The following ADCY8 variants were observed in gnomAD, a reference collection of about 807,000 sequenced individuals.
The protein encoded by ADCY8 is adenylate cyclase type 8.
ADCY8 carries 51 observed loss-of-function variants against 119.7 expected under a neutral mutation model. The ratio of observed to expected loss-of-function variants is 0.43; its 90% CI spans 0.34 to 0.54. ADCY8 has a LOEUF of 0.54. Among genes scored for constraint, ADCY8 ranks in the 20% least tolerant of loss-of-function variants. ADCY8 has a pLI of 0.03. For synonymous variants in ADCY8, 665 were observed against 651.0 expected (o/e 1.02, Z -0.33); for missense variants, 1,383 against 1,598.8 (o/e 0.87, Z 2.30).
chr8:130,898,779 A>AT (rs1310413214), intron 7 of ADCY8, among the ~76,000 whole-genome samples: 1 of 152,192 alleles, frequency 6.6e-6, no homozygotes, highest in Non-Finnish European at 1.5e-5. Context: ...CACACAATAC[A>AT]TTTTTATAGC....
At chr8:130,901,242 C>CTTTTTT (rs34424673) in intron 7 of ADCY8, among the ~76,000 whole-genome samples, 15 of 115,566 alleles carry the variant, frequency 1.3e-4, no homozygotes, top group African/African-American at 2.0e-4. Context: ...CATCCCTCCT[C>CTTTTTT]TTTTTTTTTT....
At chr8:131,037,152 T>C (rs567882806) in intron 1 of ADCY8, among the ~76,000 whole-genome samples, 5 of 152,282 alleles carry the variant, frequency 3.3e-5, no homozygotes, top group Non-Finnish European at 5.9e-5. Flanking sequence ...GCGCTCTGGT[T>C]GTTCTTTTAG....
Position 130,951,955 on chromosome 8 carries a change from T to C in ADCY8, c.1154A>G (p.Glu385Gly). ...LSVLPRFVVL[E>G]MINDMTNVED... is the part of the protein sequence containing the mutation. ...CACATTGGTCATGTCGTTGATCATT[T>C]CCAGGACAACAAACCGGGGGAGCAC... The change falls in exon 3 of 18, where the codon GAA (glutamate) becomes GGA (glycine). Residue 385 changes from glutamate to glycine, a missense_variant. Glu to Gly is a moderately conservative substitution (Grantham distance 98). Coordinates refer to ENST00000286355, the MANE Select transcript of ADCY8 (RefSeq NM_001115.3). 6.2e-7 allele frequency: 1 copy of C among 1,613,996 alleles called. No individual in the cohort carries two copies. The highest frequency in any genetic ancestry group is 8.5e-7 in the Non-Finnish European group (1 of 1,179,980).
At chr8:130,839,789 G>T (rs1257071574) in intron 11 of ADCY8, among the ~76,000 whole-genome samples, 1 of 140,126 alleles carries the variant, frequency 7.1e-6, no homozygotes, top group African/African-American at 2.4e-5. Flanking sequence ...GAGTTAAGGG[G>T]CAAAACCACA....
At chr8:130,953,364 T>G (rs1427911172) in intron 2 of ADCY8, among the ~76,000 whole-genome samples, 3 of 152,240 alleles carry the variant, frequency 2.0e-5, no homozygotes, top group Non-Finnish European at 2.9e-5. Flanking sequence ...TATTAAGCAT[T>G]GTCACCATTC....
intron 3 of ADCY8, among the ~76,000 whole-genome samples, chr8:130,948,686 GC>G (rs1821180321): frequency 6.8e-6 from 1 of 147,810 alleles, no homozygotes; most frequent in South Asian, 2.2e-4. Flanking sequence ...AAAAAATAAT[GC>G]ACCAGGCAGT....
intron 10 of ADCY8, 112 bp from the exon 11 acceptor site, chr8:130,847,625 C>A (rs563031127): frequency 3.6e-6 from 3 of 844,282 alleles, no homozygotes; most frequent in Non-Finnish European, 5.6e-6. Context: ...GGCTTCAGCA[C>A]GAGCCTGGGT....
At chr8:130,932,549 A>G (rs1820662819) in intron 5 of ADCY8, among the ~76,000 whole-genome samples, 1 of 152,136 alleles carries the variant, frequency 6.6e-6, no homozygotes, top group African/African-American at 2.4e-5. Context: ...GGGAAGGATG[A>G]TATGGGTAAT....
intron 7 of ADCY8, among the ~76,000 whole-genome samples, chr8:130,898,929 C>T (rs1003262218): frequency 6.6e-6 from 1 of 152,186 alleles, no homozygotes; most frequent in Non-Finnish European, 1.5e-5. Flanking sequence ...GAGATCACAT[C>T]ACTGCCCCGC....
intron 8 of ADCY8, among the ~76,000 whole-genome samples, chr8:130,874,574 T>C (rs1359773398): frequency 6.6e-6 from 1 of 152,134 alleles, no homozygotes; most frequent in Non-Finnish European, 1.5e-5. Context: ...GATTTAATCA[T>C]GTTAAGTTGA....
chr8:130,972,679 A>T (rs1379624169), intron 2 of ADCY8, among the ~76,000 whole-genome samples: 1 of 152,186 alleles, frequency 6.6e-6, no homozygotes, highest in South Asian at 2.1e-4. Flanking sequence ...TTTAAAATGA[A>T]TATTCTTTCC....
chr8:131,009,507 C>T (rs1311926508), intron 1 of ADCY8, among the ~76,000 whole-genome samples: 4 of 152,182 alleles, frequency 2.6e-5, no homozygotes, highest in Admixed American at 2.6e-4. Context: ...CTTCTGCCAC[C>T]CTGTGAAGAG....
chr8:130,924,927 G>A (rs1050591429), intron 5 of ADCY8, among the ~76,000 whole-genome samples: 15 of 151,866 alleles, frequency 9.9e-5, no homozygotes, highest in South Asian at 2.1e-4. Context: ...AAACTCAAGC[G>A]TCCGGGCACG....
chr8:130,875,610 G>A (rs936300279), intron 8 of ADCY8, among the ~76,000 whole-genome samples: 6 of 152,200 alleles, frequency 3.9e-5, no homozygotes, highest in Non-Finnish European at 8.8e-5. Context: ...CATTTGCTTA[G>A]CCTTCTTTTC....
Position 130,910,765 on chromosome 8 carries a change from G to A in ADCY8, c.1482-899C>T, listed in dbSNP as rs1037652878. On this transcript the variant is annotated intron_variant, in intron 5 of 17. Coordinates refer to ENST00000286355, the MANE Select transcript of ADCY8 (RefSeq NM_001115.3). ...ATCCTCTGACTGTAAGTATGGAGGA[G>A]GCATCTTGAGAAGACAGAAGAATTT... Among the ~76,000 whole-genome samples the A allele has an allele frequency of 5.1e-4, 78 of 152,316 alleles. 1 individual carries two copies. The highest frequency in any genetic ancestry group is 1.9e-3 in the African/African-American group (77 of 41,566).
intron 11 of ADCY8, among the ~76,000 whole-genome samples, chr8:130,840,493 A>T (rs1472397700): frequency 6.6e-6 from 1 of 152,156 alleles, no homozygotes; most frequent in Admixed American, 6.5e-5. Context: ...AGCTCTATAT[A>T]CAAGAGTTTT....
chr8:130,812,683 G>T (rs1050823417), intron 14 of ADCY8, among the ~76,000 whole-genome samples: 2 of 152,198 alleles, frequency 1.3e-5, no homozygotes, highest in Admixed American at 1.3e-4. Flanking sequence ...CAGACTTCTA[G>T]ACTGCCTTCA....
intron 1 of ADCY8, among the ~76,000 whole-genome samples, chr8:131,026,318 C>T (rs1823822005): frequency 6.6e-6 from 1 of 152,160 alleles, no homozygotes; most frequent in Non-Finnish European, 1.5e-5. Context: ...CCTCACCAGG[C>T]ACCAAATCTA....
chr8:130,836,594 A>C, intron 11 of ADCY8, 145 bp from the exon 12 acceptor site: 2 of 776,134 alleles, frequency 2.6e-6, no homozygotes, highest in Non-Finnish European at 4.1e-6. Flanking sequence ...CAGGTCCCAA[A>C]TCAAACTCTT....
Sources: gnomAD v4.1 joint callset for allele counts (sites outside exome capture counted in the v4.1 genomes callset) on GRCh38, gnomAD v4.1.1 for gene constraint, MANE v1.5 for transcripts, NCBI Gene and HGNC (gene_info 2026-07-23, HGNC 2026-07-21) for gene names.